Variants in TCEA3 observed in about 807,000 individuals in gnomAD.
TCEA3 encodes transcription elongation factor A3.
Under a neutral mutation model 44.0 loss-of-function variants are expected in TCEA3, and 36 were observed. The ratio of observed to expected loss-of-function variants is 0.82; its 90% confidence interval spans 0.63 to 1.08. The LOEUF (loss-of-function observed/expected upper bound fraction) is 1.08, where lower values mean the gene tolerates loss of function less well. TCEA3 is among the 50% of genes least tolerant of loss of function. The probability of loss-of-function intolerance (pLI) is 0.00; values close to 1 mark genes in which losing one functional copy is unlikely to be tolerated. For missense variants in TCEA3, 392 were observed against 441.2 expected, an observed-to-expected ratio of 0.89 and a Z score of 1.00; for synonymous variants, 162 against 159.7, an observed-to-expected ratio of 1.01 and a Z score of -0.11.
At chr1:23,385,896 GCCT>G (rs2148543321) in intron 9 of TCEA3, among the ~76,000 whole-genome samples, 1 of 151,490 alleles carries the variant, frequency 6.6e-6, no homozygotes, top group South Asian at 2.1e-4. Flanking sequence ...TCTGACATTG[GCCT>G]CCTTTCTTGG....
At chr1:23,396,826 T>C (rs1570247835) in intron 7 of TCEA3, among the ~76,000 whole-genome samples, 1 of 152,084 alleles carries the variant, frequency 6.6e-6, no homozygotes, top group Middle Eastern at 3.4e-3. Flanking sequence ...ACCAACATCG[T>C]GAAACCCCAT....
intron 5 of TCEA3, among the ~76,000 whole-genome samples, chr1:23,398,270 G>A (rs1558041283): frequency 6.6e-6 from 1 of 152,108 alleles, no homozygotes; most frequent in Admixed American, 6.6e-5. Context: ...CCAGGCAGTC[G>A]GCTCTTAACC....
At chr1:23,384,922 G>T (rs1276949818) in intron 9 of TCEA3, among the ~76,000 whole-genome samples, 2 of 152,204 alleles carry the variant, frequency 1.3e-5, no homozygotes, top group African/African-American at 4.8e-5. Context: ...CCTACAGGAA[G>T]TATTCCCTGA....
At chr1:23,393,731 C>T in intron 8 of TCEA3, 148 bp downstream of exon 8, 3 of 1,079,336 alleles carry the variant, frequency 2.8e-6, no homozygotes, top group Non-Finnish European at 3.9e-6. Context: ...TCCTGCTAGT[C>T]CAGAGCCCAG....
In TCEA3 at chr1:23,397,572, CA is replaced by C; in HGVS notation, c.636del (p.Cys212TrpfsTer21). ...TCTTCGATTTCTGATGCCATCTTGTCACAGTTGACTCCATAGTCCTTGTAAT... is the reference window on the plus strand; with the variant it reads ...TCTTCGATTTCTGATGCCATCTTGTCCAGTTGACTCCATAGTCCTTGTAAT... ...DDDYKDYGVN[C>X]DKMASEIEDH... On this transcript the variant is annotated frameshift_variant, in exon 7 of 11. Transcript: ENST00000450454. LOFTEE classifies it high-confidence loss of function. The C allele has an allele frequency of 6.2e-7, 1 of 1,613,906 alleles. No homozygotes were observed. The highest frequency in any genetic ancestry group is 8.5e-7 in the Non-Finnish European group (1 of 1,179,884).
At position 23,412,381 on chromosome 1, in the gene TCEA3, C is replaced by T. The variant is rs1257623620; in HGVS notation, c.381-3655G>A. On this transcript the variant is annotated intron_variant, in intron 4 of 10. Transcript: ENST00000450454. ...CGCCACTGCACTCCAGCCTGGGCAA[C>T]ATGGTGAGACTCTGTCTCAAAAAAA... is the stretch of plus-strand genomic sequence containing the variant. Among the ~76,000 whole-genome samples, 3 of 138,426 alleles carry T rather than the reference C, an allele frequency of 2.2e-5. No homozygotes were observed. In the East Asian group the frequency reaches 6.3e-4, roughly 29 times the overall value. The allele number at this position is 138,426 out of a possible 152,430, so 90.8% of individuals were successfully genotyped here. A position where few individuals can be genotyped will look rare whatever the true frequency, so the allele number is the denominator to read the frequency against.
chr1:23,408,317 T>C (rs1639610042), intron 5 of TCEA3, among the ~76,000 whole-genome samples: 1 of 152,206 alleles, frequency 6.6e-6, no homozygotes, highest in African/African-American at 2.4e-5. Context: ...ACCTTGAGAC[T>C]GGTCCCCTGA....
At chr1:23,405,615 G>A (rs1639523343) in intron 5 of TCEA3, among the ~76,000 whole-genome samples, 1 of 151,326 alleles carries the variant, frequency 6.6e-6, no homozygotes, top group African/African-American at 2.4e-5. Flanking sequence ...AAAAATTAAT[G>A]AGACTTCCTT....
intron 9 of TCEA3, among the ~76,000 whole-genome samples, chr1:23,386,055 C>T (rs979633892): frequency 6.6e-6 from 1 of 152,162 alleles, no homozygotes; most frequent in African/African-American, 2.4e-5. Context: ...CTTATTGTCA[C>T]GTCAGGGCAG....
In TCEA3 at chr1:23,419,099, T is replaced by C; in HGVS notation, c.110A>G (p.Gln37Arg). Residue 37 changes from glutamine to arginine, a missense_variant, in exon 2 of 11, where the codon CAG (glutamine) becomes CGG (arginine). Gln to Arg is a conservative substitution (Grantham distance 43). Coordinates refer to ENST00000450454, the MANE Select transcript of TCEA3 (RefSeq NM_003196.3). ...CACCTGTAGTAGCTGGATGGACATC[T>C]GGCAGCTGTGCAGCTTCTTCAGAAG... The part of the protein sequence containing the change: ...LDLLKKLHSC[Q>R]MSIQLLQTTR... 1 of 1,288,452 alleles carries C rather than the reference T, an allele frequency of 7.8e-7. No individual in the cohort carries two copies. Among genetic ancestry groups the C allele is most frequent in the Non-Finnish European group, 1.0e-6 (1 of 954,488 alleles). The allele number at this position is 1,288,452 out of a possible 1,614,324, so 79.8% of individuals were successfully genotyped here.
intron 1 of TCEA3, among the ~76,000 whole-genome samples, chr1:23,422,078 G>A (rs775206740): frequency 2.0e-5 from 3 of 152,176 alleles, no homozygotes; most frequent in Non-Finnish European, 2.9e-5. Flanking sequence ...ATGCAGCTCC[G>A]GGCACAGCTG....
chr1:23,397,969 T>G lies in TCEA3; in HGVS notation c.444-14A>C. 6.2e-7 allele frequency: 1 copy of G among 1,613,092 alleles called. No homozygotes were observed. The highest frequency in any genetic ancestry group is 8.5e-7 in the Non-Finnish European group (1 of 1,179,586). ...CTGCTGTTTGATCTGAGGATGACAATAAGTAACAGACATTTGACATTAAGA... is the reference window on the plus strand; with the variant it reads ...CTGCTGTTTGATCTGAGGATGACAAGAAGTAACAGACATTTGACATTAAGA... On this transcript the variant is annotated splice_polypyrimidine_tract_variant and intron_variant, in intron 5 of 10. Transcript: ENST00000450454.
intron 4 of TCEA3, among the ~76,000 whole-genome samples, chr1:23,415,865 G>A (rs1032230988): frequency 2.6e-5 from 4 of 152,144 alleles, no homozygotes; most frequent in African/African-American, 4.8e-5. Flanking sequence ...TAAAAAGCAG[G>A]CTATTAAAAT....
chr1:23,410,958 CT>C, intron 4 of TCEA3: 1 of 184,368 alleles, frequency 5.4e-6, no homozygotes, highest in Non-Finnish European at 1.2e-5. Context: ...GGGTTAGGAC[CT>C]TATCATGAGA....
chr1:23,423,761 C>T, intron 1 of TCEA3: 2 of 456,012 alleles, frequency 4.4e-6, no homozygotes, highest in Non-Finnish European at 8.8e-6. Context: ...GGCCGCCAGC[C>T]CCAGGCAAAG....
chr1:23,421,175 C>G (rs545906169), intron 1 of TCEA3, among the ~76,000 whole-genome samples: 30 of 152,316 alleles, frequency 2.0e-4, no homozygotes, highest in Non-Finnish European at 4.1e-4. Flanking sequence ...ACTAGGCACT[C>G]TTCTAAGTTT....
intron 5 of TCEA3, among the ~76,000 whole-genome samples, chr1:23,400,366 C>T (rs1570256526): frequency 1.7e-5 from 2 of 117,224 alleles, no homozygotes; most frequent in South Asian, 5.9e-4. Flanking sequence ...GATGCCGCCA[C>T]ACCAGGCTTT....
intron 4 of TCEA3, among the ~76,000 whole-genome samples, chr1:23,412,679 G>T (rs1021330099): frequency 4.0e-5 from 6 of 151,828 alleles, no homozygotes; most frequent in Admixed American, 2.0e-4. Flanking sequence ...TTGCACTCCA[G>T]CCTGGGCAAC....
Position 23,419,113 on chromosome 1 carries a change from C to T in TCEA3, c.96G>A (p.Lys32=), listed in dbSNP as rs1260211495. ...GGATGGACATCTGGCAGCTGTGCAGCTTCTTCAGAAGGTCCAGGGCCCCTT... is the reference window on the plus strand; with the variant it reads ...GGATGGACATCTGGCAGCTGTGCAGTTTCTTCAGAAGGTCCAGGGCCCCTT... ...NTEGALDLLK[K]LHSCQMSIQL... Residue 32 remains lysine (K), a synonymous_variant, in exon 2 of 11, where the codon AAG becomes AAA. Transcript: ENST00000450454. The T allele has an allele frequency of 6.4e-7, 1 of 1,568,742 alleles. No homozygotes were observed. Among genetic ancestry groups the T allele is most frequent in the Non-Finnish European group, 8.7e-7 (1 of 1,154,604 alleles).
Sources: gnomAD v4.1 joint callset for allele counts (sites outside exome capture counted in the v4.1 genomes callset) on GRCh38, gnomAD v4.1.1 for gene constraint, MANE v1.5 for transcripts, NCBI Gene and HGNC (gene_info 2026-07-23, HGNC 2026-07-21) for gene names.